The following PPFIA2 variants were observed in gnomAD, a reference collection of about 807,000 sequenced individuals.
PPFIA2 encodes the protein PPFI scaffold protein A2, also known as liprin-alpha-2.
PPFIA2 carries 46 observed loss-of-function variants against 175.5 expected under a neutral mutation model. The observed-to-expected ratio is 0.26, with a 90% CI of 0.21 to 0.34. PPFIA2 has a LOEUF of 0.34. Ranked by LOEUF, PPFIA2 falls within the 10% of genes least tolerant of loss-of-function variation. The pLI, the probability that PPFIA2 is intolerant of heterozygous loss-of-function variation, is 1.00. For synonymous variants in PPFIA2, 568 were observed against 511.4 expected, an observed-to-expected ratio of 1.11 and a Z score of -1.49; for missense variants, 1,179 against 1,506.1, an observed-to-expected ratio of 0.78 and a Z score of 3.60.
chr12:81,696,606 C>T (rs556459045), intron 3 of PPFIA2, among the ~76,000 whole-genome samples: 101 of 152,210 alleles, frequency 6.6e-4, no homozygotes, highest in East Asian at 4.2e-3. Flanking sequence ...GAATGGGGAC[C>T]TCATTGAACA....
intron 4 of PPFIA2, among the ~76,000 whole-genome samples, chr12:81,519,734 A>G (rs2062880570): frequency 6.6e-6 from 1 of 152,220 alleles, no homozygotes. Flanking sequence ...ACAAATTGCT[A>G]TTCAGAACTT....
chr12:81,333,715 G>A (rs2056576111), intron 21 of PPFIA2, among the ~76,000 whole-genome samples: 1 of 151,892 alleles, frequency 6.6e-6, no homozygotes. Flanking sequence ...TCTATTTTTG[G>A]TGGGGGGGAT....
intron 24 of PPFIA2, among the ~76,000 whole-genome samples, chr12:81,292,074 A>G (rs2045186503): frequency 6.6e-6 from 1 of 152,120 alleles, no homozygotes; most frequent in African/African-American, 2.4e-5. Context: ...CCTATTGTTC[A>G]TTAAGAAATG....
At chr12:81,526,365 T>C (rs1427999896) in intron 4 of PPFIA2, among the ~76,000 whole-genome samples, 2 of 152,096 alleles carry the variant, frequency 1.3e-5, no homozygotes, top group Admixed American at 1.3e-4. Context: ...GGAAATAATA[T>C]CATGAACTGA....
At chr12:81,465,938 TTTA>T (rs2055536516) in intron 4 of PPFIA2, among the ~76,000 whole-genome samples, 1 of 152,128 alleles carries the variant, frequency 6.6e-6, no homozygotes, top group African/African-American at 2.4e-5. Flanking sequence ...ATATTTTTAT[TTTA>T]TTATGTAATC....
chr12:81,301,177 C>A (rs1003459461), intron 22 of PPFIA2, among the ~76,000 whole-genome samples: 3 of 151,784 alleles, frequency 2.0e-5, no homozygotes, highest in African/African-American at 7.3e-5. Flanking sequence ...AGGAGAAGCA[C>A]TAATGGGGAG....
chr12:81,542,319 T>C (rs1237492117), intron 4 of PPFIA2, among the ~76,000 whole-genome samples: 5 of 152,114 alleles, frequency 3.3e-5, no homozygotes, highest in Admixed American at 1.3e-4. Flanking sequence ...CTAGGAGCCT[T>C]GGGAAAGGAG....
intron 4 of PPFIA2, among the ~76,000 whole-genome samples, chr12:81,568,710 T>C (rs547574342): frequency 1.3e-5 from 2 of 152,268 alleles, no homozygotes; most frequent in Admixed American, 1.3e-4. Context: ...CACCTTGATA[T>C]GCCTTTCTTT....
At chr12:81,677,679 C>A (rs1038100236) in intron 3 of PPFIA2, among the ~76,000 whole-genome samples, 1 of 151,762 alleles carries the variant, frequency 6.6e-6, no homozygotes, top group Non-Finnish European at 1.5e-5. Context: ...AAAATTATAA[C>A]TATGGTCTAC....
chr12:81,286,287 G>T (rs1307037646), intron 24 of PPFIA2, among the ~76,000 whole-genome samples: 4 of 151,878 alleles, frequency 2.6e-5, no homozygotes, highest in African/African-American at 9.7e-5. Flanking sequence ...GAAATAAAAA[G>T]GTTTTTTTAT....
intron 23 of PPFIA2, among the ~76,000 whole-genome samples, chr12:81,296,452 C>T (rs377348091): frequency 1.3e-5 from 2 of 152,186 alleles, no homozygotes; most frequent in East Asian, 1.9e-4. Context: ...ATGCCAATCA[C>T]GGGCATTATA....
chr12:81,332,494 A>T (rs943818254), intron 21 of PPFIA2, among the ~76,000 whole-genome samples: 15 of 152,284 alleles, frequency 9.9e-5, no homozygotes, highest in Middle Eastern at 6.8e-3. Flanking sequence ...AATCAAACAT[A>T]TACAGGGAGA....
chr12:81,705,456 CAAAAAAA>C (rs58602688), intron 3 of PPFIA2, among the ~76,000 whole-genome samples: 4,747 of 55,716 alleles, frequency 0.085, 295 homozygotes, highest in African/African-American at 0.23. Context: ...GACTAGGTCT[CAAAAAAA>C]AAAAAAAAAA....
At chr12:81,526,511 T>C (rs1018682918) in intron 4 of PPFIA2, among the ~76,000 whole-genome samples, 2 of 152,188 alleles carry the variant, frequency 1.3e-5, no homozygotes, top group Non-Finnish European at 2.9e-5. Context: ...TTAGCTGGGA[T>C]TCTGTTGCTT....
At chr12:81,479,026 C>T (rs1259950025) in intron 4 of PPFIA2, among the ~76,000 whole-genome samples, 1 of 152,120 alleles carries the variant, frequency 6.6e-6, no homozygotes, top group Non-Finnish European at 1.5e-5. Flanking sequence ...GTGTTAAGGT[C>T]TCCCACTATT....
At chr12:81,529,060 C>T (rs1311303579) in intron 4 of PPFIA2, among the ~76,000 whole-genome samples, 2 of 151,984 alleles carry the variant, frequency 1.3e-5, no homozygotes, top group African/African-American at 4.8e-5. Context: ...TCATATCAAA[C>T]ATCTTAATTT....
chr12:81,493,001 G>T (rs2059581288), intron 4 of PPFIA2, among the ~76,000 whole-genome samples: 1 of 152,074 alleles, frequency 6.6e-6, no homozygotes, highest in South Asian at 2.1e-4. Context: ...ATATGTGGGT[G>T]AGAGATAAAG....
At chr12:81,307,893 T>C (rs1039852320) in intron 22 of PPFIA2, among the ~76,000 whole-genome samples, 1 of 152,224 alleles carries the variant, frequency 6.6e-6, no homozygotes, top group African/African-American at 2.4e-5. Context: ...CCTTTTCTTC[T>C]GCCAAGAGCA....
chr12:81,593,997 C>T (rs528069447), intron 4 of PPFIA2, among the ~76,000 whole-genome samples: 52 of 152,190 alleles, frequency 3.4e-4, no homozygotes, highest in Admixed American at 8.5e-4. Flanking sequence ...CTCACATTAC[C>T]GCCTGAGCTC....
Sources: gnomAD v4.1 joint callset for allele counts (sites outside exome capture counted in the v4.1 genomes callset) on GRCh38, gnomAD v4.1.1 for gene constraint, MANE v1.5 for transcripts, NCBI Gene and HGNC (gene_info 2026-07-23, HGNC 2026-07-21) for gene names.